MRTFA: variants seen among roughly 807,000 people sequenced by gnomAD.
MRTFA encodes the protein myocardin related transcription factor A, also known as myocardin-related transcription factor A.
In MRTFA, 20 loss-of-function variants were observed where a neutral mutation model predicts 83.5. That is an observed-to-expected ratio of 0.24 (90% CI 0.17 to 0.35). MRTFA has a LOEUF of 0.35. MRTFA is among the 10% of genes least tolerant of loss of function. The probability of loss-of-function intolerance (pLI) is 1.00; values close to 1 mark genes in which losing one functional copy is unlikely to be tolerated. For missense variants in MRTFA, 1,200 were observed against 1,224.7 expected, an observed-to-expected ratio of 0.98 and a Z score of 0.30; for synonymous variants, 659 against 541.2, an observed-to-expected ratio of 1.22 and a Z score of -3.02.
intron 3 of MRTFA, among the ~76,000 whole-genome samples, chr22:40,492,511 AC>A (rs1453914969): frequency 6.6e-6 from 1 of 152,074 alleles, no homozygotes; most frequent in Non-Finnish European, 1.5e-5. Context: ...CAACCAACCA[AC>A]CTCATTCACC....
chr22:40,559,065 A>G (rs1265800725), intron 2 of MRTFA, among the ~76,000 whole-genome samples: 5 of 152,188 alleles, frequency 3.3e-5, no homozygotes, highest in Admixed American at 6.5e-5. Flanking sequence ...TACAAGTGTG[A>G]GCCACTGTGC....
intron 5 of MRTFA, among the ~76,000 whole-genome samples, chr22:40,434,538 A>G (rs2053130613): frequency 6.6e-6 from 1 of 152,130 alleles, no homozygotes; most frequent in African/African-American, 2.4e-5. Flanking sequence ...GCTGGCCAAC[A>G]TGGTGAAACC....
intron 1 of MRTFA, among the ~76,000 whole-genome samples, chr22:40,631,851 C>G (rs2056645511): frequency 1.3e-5 from 2 of 152,184 alleles, no homozygotes; most frequent in South Asian, 4.1e-4. Context: ...GGTAATCTTT[C>G]CTACTCTGAG....
chr22:40,482,881 G>C (rs1355752642), intron 3 of MRTFA, among the ~76,000 whole-genome samples: 1 of 152,130 alleles, frequency 6.6e-6, no homozygotes, highest in African/African-American at 2.4e-5. Flanking sequence ...TATAATCCCA[G>C]CACTTTGTGG....
intron 2 of MRTFA, among the ~76,000 whole-genome samples, chr22:40,584,212 A>T (rs376743558): frequency 2.0e-5 from 3 of 152,188 alleles, no homozygotes; most frequent in Admixed American, 2.0e-4. Flanking sequence ...GAAGAAATCT[A>T]AAGTGTCCAA....
chr22:40,631,685 T>C (rs957197294), intron 1 of MRTFA, among the ~76,000 whole-genome samples: 5 of 152,236 alleles, frequency 3.3e-5, no homozygotes, highest in African/African-American at 1.2e-4. Flanking sequence ...ATGTCAACAC[T>C]GGCCTAAATT....
intron 1 of MRTFA, among the ~76,000 whole-genome samples, chr22:40,616,131 G>A (rs917115143): frequency 3.9e-5 from 6 of 152,002 alleles, no homozygotes; most frequent in African/African-American, 1.5e-4. Context: ...CCAGACTTCT[G>A]GCTTCTTTTT....
chr22:40,536,114 G>A (rs2055167307), intron 3 of MRTFA, among the ~76,000 whole-genome samples: 1 of 148,552 alleles, frequency 6.7e-6, no homozygotes, highest in Non-Finnish European at 1.5e-5. Context: ...AACATGGCAA[G>A]ACCCCATCTC....
chr22:40,476,103 C>T (rs2053991347), intron 3 of MRTFA, among the ~76,000 whole-genome samples: 1 of 149,564 alleles, frequency 6.7e-6, no homozygotes, highest in South Asian at 2.1e-4. Flanking sequence ...GAGATCGCGC[C>T]ACTGCACTCC....
At chr22:40,453,583 CAGAG>C (rs371573917) in intron 4 of MRTFA, among the ~76,000 whole-genome samples, 233 of 152,216 alleles carry the variant, frequency 1.5e-3, no homozygotes, top group African/African-American at 4.2e-3. Context: ...GATAAAGGCC[CAGAG>C]AGAGAGGATT....
intron 1 of MRTFA, among the ~76,000 whole-genome samples, chr22:40,618,975 A>T (rs989844656): frequency 2.7e-5 from 4 of 150,246 alleles, no homozygotes; most frequent in African/African-American, 7.3e-5. Flanking sequence ...ATAAAAATAA[A>T]AATAATAATA....
In MRTFA at chr22:40,486,140, C is replaced by T. The variant is rs1026789567; in HGVS notation, c.242-22854G>A. The stretch of plus-strand genomic sequence containing the variant: ...ACTTACGCCTTTAAATCTGGTTAGT[C>T]CCAGGATCCTGGTGTACCTTCTTCA... On this transcript the variant is annotated intron_variant, in intron 3 of 14. Transcript: ENST00000355630. 3.9e-5 allele frequency among the ~76,000 whole-genome samples: 6 copies of T among 152,218 alleles called. No individual in the cohort carries two copies. The South Asian group carries it at 1.2e-3, about 32-fold the overall frequency.
intron 4 of MRTFA, among the ~76,000 whole-genome samples, chr22:40,457,190 C>G (rs1300938091): frequency 2.0e-5 from 3 of 152,170 alleles, no homozygotes; most frequent in African/African-American, 7.2e-5. Context: ...CATGGCGAAA[C>G]CACGTCTCTA....
chr22:40,593,952 G>T (rs1677101328), intron 2 of MRTFA, among the ~76,000 whole-genome samples: 1 of 152,242 alleles, frequency 6.6e-6, no homozygotes, highest in African/African-American at 2.4e-5. Context: ...TGAACTAGCA[G>T]TAGCCTTTAC....
At chr22:40,534,664 G>A (rs2055136923) in intron 3 of MRTFA, among the ~76,000 whole-genome samples, 1 of 152,140 alleles carries the variant, frequency 6.6e-6, no homozygotes, top group Non-Finnish European at 1.5e-5. Flanking sequence ...ATGAGCCACT[G>A]CTCCCCACAG....
intron 3 of MRTFA, among the ~76,000 whole-genome samples, chr22:40,525,136 G>C (rs180719070): frequency 6.6e-6 from 1 of 152,068 alleles, no homozygotes; most frequent in Admixed American, 6.6e-5. Context: ...GAATACAAAA[G>C]AAATGTATGC....
rs1602184776 is a variant in MRTFA at position 40,410,985 on chromosome 22, A to C, written c.*405T>G. 4.2e-6 allele frequency: 1 copy of C among 239,962 alleles called. No homozygotes were observed. The highest frequency in any genetic ancestry group is 8.1e-6 in the Non-Finnish European group (1 of 123,264). 14.9% of individuals were successfully genotyped at this position (239,962 alleles called of 1,614,324 possible). ...TCTCCCTTCACAGCAAAGCAGGGAG[A>C]GAAAGGAAGGAGATTCACCCCTTAA... On this transcript the variant is annotated 3_prime_UTR_variant, in exon 15 of 15. Transcript: ENST00000355630.
rs1394846788 is a variant in MRTFA at position 40,411,251 on chromosome 22, C to T, written c.*139G>A. 5.3e-6 allele frequency: 5 copies of T among 937,484 alleles called. No individual in the cohort carries two copies. The highest frequency in any genetic ancestry group is 7.8e-6 in the Non-Finnish European group (5 of 643,998). 58.1% of individuals were successfully genotyped at this position (937,484 alleles called of 1,614,324 possible). A position where few individuals can be genotyped will look rare whatever the true frequency, so the allele number is the denominator to read the frequency against. On this transcript the variant is annotated 3_prime_UTR_variant, in exon 15 of 15. Coordinates refer to ENST00000355630, the MANE Select transcript of MRTFA (RefSeq NM_020831.6). ...AGGAGTAAGGGCTTCTCTGTTCTAGCCTCCCAGGGAAGGGAAAAAGCAGGG... is the reference window on the plus strand; with the variant it reads ...AGGAGTAAGGGCTTCTCTGTTCTAGTCTCCCAGGGAAGGGAAAAAGCAGGG...
At chr22:40,615,271 T>G (rs912138751) in intron 1 of MRTFA, among the ~76,000 whole-genome samples, 1 of 152,244 alleles carries the variant, frequency 6.6e-6, no homozygotes, top group East Asian at 1.9e-4. Context: ...CTGAATTATG[T>G]TTGCGCTATT....
Sources: allele counts gnomAD v4.1 joint callset (sites outside exome capture counted in the v4.1 genomes callset), GRCh38; gene constraint gnomAD v4.1.1; transcripts MANE v1.5; gene names NCBI Gene and HGNC (gene_info 2026-07-23, HGNC 2026-07-21).